Variants in KIF21A observed in about 807,000 individuals in gnomAD.
The protein encoded by KIF21A is kinesin-like protein KIF21A.
KIF21A carries 114 observed loss-of-function variants against 202.9 expected under a neutral mutation model. The observed-to-expected ratio is 0.56, with a 90% confidence interval of 0.48 to 0.66. The LOEUF is 0.66. Ranked by LOEUF, KIF21A falls within the 30% of genes least tolerant of loss-of-function variation. The pLI is 0.00. For synonymous variants in KIF21A, 667 were observed against 670.8 expected, an observed-to-expected ratio of 0.99 and a Z score of 0.09; for missense variants, 1,677 against 1,994.9, an observed-to-expected ratio of 0.84 and a Z score of 3.04.
chr12:39,366,734 T>C (rs1455566052), intron 5 of KIF21A, among the ~76,000 whole-genome samples: 1 of 152,204 alleles, frequency 6.6e-6, no homozygotes, highest in Non-Finnish European at 1.5e-5. Flanking sequence ...AGGCTTTGCT[T>C]ATGCTAATGA....
chr12:39,352,684 GC>G (rs1423459210), intron 10 of KIF21A, among the ~76,000 whole-genome samples: 5 of 152,090 alleles, frequency 3.3e-5, no homozygotes, highest in African/African-American at 1.2e-4. Flanking sequence ...TGTCAAATCT[GC>G]CCCAAACTGG....
intron 13 of KIF21A, among the ~76,000 whole-genome samples, 200 bp from the exon 14 acceptor site, chr12:39,341,822 A>C (rs1291143763): frequency 6.6e-6 from 1 of 151,980 alleles, no homozygotes; most frequent in Non-Finnish European, 1.5e-5. Flanking sequence ...TCTACCCCTG[A>C]CTCCCCAACA....
At chr12:39,315,001 G>A (rs2137481812) in intron 31 of KIF21A, among the ~76,000 whole-genome samples, 1 of 151,924 alleles carries the variant, frequency 6.6e-6, no homozygotes, top group East Asian at 1.9e-4. Flanking sequence ...GAAACTTAAT[G>A]ATATTAGAAA....
At position 39,337,128 on chromosome 12, in the gene KIF21A, C is replaced by A; in HGVS notation, c.2386G>T (p.Ala796Ser). 1 of 1,610,630 alleles carries A rather than the reference C, an allele frequency of 6.2e-7. No individual in the cohort carries two copies. ...TTACGTTGATCCTTTTTCAACTGAG[C>A]AATCTCTCTGTTTCTTCTAGACTCA... is the stretch of plus-strand genomic sequence containing the variant. ...LTESRRNREIAQLKKDQRKRD... is the reference protein window; with the variant it reads ...LTESRRNREISQLKKDQRKRD... Residue 796 changes from alanine (A) to serine (S), a missense_variant, in exon 17 of 38, where the codon GCT (alanine) becomes TCT (serine). Physicochemically the swap from Ala to Ser is moderately conservative, Grantham distance 99. Transcript: ENST00000361418.
intron 36 of KIF21A, 142 bp from the exon 37 acceptor site, chr12:39,301,821 C>T (rs1005572970): frequency 1.3e-4 from 96 of 728,842 alleles, no homozygotes; most frequent in Non-Finnish European, 1.9e-4. Flanking sequence ...TATGCAATCA[C>T]TCTTAGTGAT....
At chr12:39,402,173 GAGACA>G (rs986270748) in intron 1 of KIF21A, among the ~76,000 whole-genome samples, 11 of 152,260 alleles carry the variant, frequency 7.2e-5, no homozygotes, top group Non-Finnish European at 1.5e-4. Context: ...CAATTAGGAA[GAGACA>G]CCAAAAAATT....
At chr12:39,421,395 A>C (rs1264932351) in intron 1 of KIF21A, among the ~76,000 whole-genome samples, 1 of 152,218 alleles carries the variant, frequency 6.6e-6, no homozygotes, top group African/African-American at 2.4e-5. Flanking sequence ...TTATATTAAA[A>C]ATATGATAGG....
intron 6 of KIF21A, among the ~76,000 whole-genome samples, chr12:39,366,075 T>G (rs1949583695): frequency 6.6e-6 from 1 of 152,128 alleles, no homozygotes; most frequent in Non-Finnish European, 1.5e-5. Context: ...TGGAAAGAAT[T>G]TTTCAAATAA....
At position 39,340,216 on chromosome 12, in the gene KIF21A, T is replaced by C. The variant is rs1163427793; in HGVS notation, c.2259A>G (p.Glu753=). The change falls in exon 16 of 38, where the codon GAA becomes GAG. Residue 753 remains glutamate (E), a synonymous_variant. Coordinates refer to ENST00000361418, the MANE Select transcript of KIF21A (RefSeq NM_001173464.2). ...CCTGCTGCAATTTCTTCAATTGCTT[T>C]TCATACTGAGACTGATTTTTAAGCA... ...ARLLKNQSQY[E]KQLKKLQQDV... The C allele has an allele frequency of 6.2e-7, 1 of 1,613,236 alleles. No homozygotes were observed.
chr12:39,411,688 A>T (rs1953094890), intron 1 of KIF21A, among the ~76,000 whole-genome samples: 1 of 151,856 alleles, frequency 6.6e-6, no homozygotes, highest in African/African-American at 2.4e-5. Flanking sequence ...CACCACACCC[A>T]GCTAATTTTT....
chr12:39,425,437 T>C (rs2140281748), intron 1 of KIF21A, among the ~76,000 whole-genome samples: 1 of 152,252 alleles, frequency 6.6e-6, no homozygotes, highest in South Asian at 2.1e-4. Flanking sequence ...ACCTCTGATG[T>C]TAAAGACCAG....
rs749587058 is a variant in KIF21A, at chr12:39,369,768, A to G, written c.411T>C (p.Leu137=). 5.6e-6 allele frequency: 9 copies of G among 1,613,068 alleles called. No individual in the cohort carries two copies. Among genetic ancestry groups the G allele is most frequent in the Non-Finnish European group, 7.6e-6 (9 of 1,179,638 alleles). Residue 137 remains leucine, a synonymous_variant, in exon 3 of 38, where the codon CTT becomes CTC. Transcript: ENST00000361418. ...EKKHIAIKNG[L]PAPDFKVNAQ... is the part of the protein sequence containing the mutation. ...CATTCACTTTAAAATCTGGAGCAGGAAGCCCATTTTTAATTGCTATGTGTT... is the reference window on the plus strand; with the variant it reads ...CATTCACTTTAAAATCTGGAGCAGGGAGCCCATTTTTAATTGCTATGTGTT...
intron 1 of KIF21A, among the ~76,000 whole-genome samples, chr12:39,392,767 T>A (rs1951463778): frequency 6.6e-6 from 1 of 150,522 alleles, no homozygotes; most frequent in African/African-American, 2.5e-5. Context: ...TTACACTGGC[T>A]GTCACTGGTA....
chr12:39,366,536 A>T lies in KIF21A; in HGVS notation c.736-19T>A, dbSNP rs1949615992. 6.5e-7 allele frequency: 1 copy of T among 1,530,518 alleles called. No individual in the cohort carries two copies. Among genetic ancestry groups the T allele is most frequent in the Non-Finnish European group, 9.0e-7 (1 of 1,110,876 alleles). The allele number at this position is 1,530,518 out of a possible 1,614,324, so 94.8% of individuals were successfully genotyped here. A position where few individuals can be genotyped will look rare whatever the true frequency, so the allele number is the denominator to read the frequency against. ...CATTGTCCTGAAATTAAGAAAAATA[A>T]TTGAAAATACTTTATTAATGTAACA... On this transcript the variant is annotated intron_variant, in intron 5 of 37. Coordinates refer to ENST00000361418, the MANE Select transcript of KIF21A (RefSeq NM_001173464.2).
At chr12:39,343,807 C>T (rs1011890210) in intron 12 of KIF21A, among the ~76,000 whole-genome samples, 4 of 152,144 alleles carry the variant, frequency 2.6e-5, no homozygotes, top group African/African-American at 4.8e-5. Context: ...CGCATTACAT[C>T]CCTAGTACCC....
chr12:39,348,900 A>C (rs1948131972), intron 11 of KIF21A, among the ~76,000 whole-genome samples: 1 of 152,066 alleles, frequency 6.6e-6, no homozygotes, highest in Non-Finnish European at 1.5e-5. Context: ...TAAAAATTCC[A>C]AATACCCCTA....
intron 1 of KIF21A, among the ~76,000 whole-genome samples, chr12:39,433,827 G>C (rs890549451): frequency 6.6e-6 from 1 of 152,114 alleles, no homozygotes; most frequent in African/African-American, 2.4e-5. Flanking sequence ...AAAACGGGGA[G>C]ACTAGATAGA....
In KIF21A at chr12:39,293,991, C is replaced by T. The variant is rs1942065402; in HGVS notation, c.*433G>A. Reference sequence around the variant, plus strand: ...ATATAAATACCTGACAAGCAAACCACAATTTGACTAACATTTTCAATATTT... The same window carrying T: ...ATATAAATACCTGACAAGCAAACCATAATTTGACTAACATTTTCAATATTT... On this transcript the variant is annotated 3_prime_UTR_variant, in exon 38 of 38. Coordinates refer to ENST00000361418, the MANE Select transcript of KIF21A (RefSeq NM_001173464.2). 1.8e-5 allele frequency: 3 copies of T among 169,344 alleles called. No individual in the cohort carries two copies. The highest frequency in any genetic ancestry group is 5.9e-5 in the Admixed American group (1 of 16,932). 10.5% of individuals were successfully genotyped at this position (169,344 alleles called of 1,614,324 possible).
intron 11 of KIF21A, among the ~76,000 whole-genome samples, chr12:39,347,940 T>C (rs1948041534): frequency 1.3e-5 from 2 of 152,094 alleles, no homozygotes; most frequent in South Asian, 2.1e-4. Context: ...AAAACTTTTA[T>C]GTCTACTCTA....
Sources: allele counts gnomAD v4.1 joint callset (sites outside exome capture counted in the v4.1 genomes callset), GRCh38; gene constraint gnomAD v4.1.1; transcripts MANE v1.5; gene names NCBI Gene and HGNC (gene_info 2026-07-23, HGNC 2026-07-21).